Variants in RGS6 observed in about 807,000 individuals in gnomAD.
RGS6 encodes regulator of G protein signaling 6.
A neutral mutation model predicts 78.5 loss-of-function variants in RGS6; 30 were observed. The ratio of observed to expected loss-of-function variants is 0.38; its 90% CI spans 0.29 to 0.52. The LOEUF (loss-of-function observed/expected upper bound fraction) is 0.52. Among genes scored for constraint, RGS6 ranks in the 20% least tolerant of loss-of-function variants. The probability of loss-of-function intolerance (pLI) is 0.85; values close to 1 mark genes in which losing one functional copy is unlikely to be tolerated. For missense variants in RGS6, 495 were observed against 609.7 expected, an observed-to-expected ratio of 0.81 and a Z score of 1.98; for synonymous variants, 206 against 206.0, an observed-to-expected ratio of 1.00 and a Z score of 0.00.
intron 3 of RGS6, among the ~76,000 whole-genome samples, chr14:72,451,806 G>A (rs186321520): frequency 6.6e-6 from 1 of 152,236 alleles, no homozygotes; most frequent in African/African-American, 2.4e-5. Flanking sequence ...AGGCTGGAGT[G>A]TAGTGGCGCG....
chr14:72,522,364 CAA>C (rs1401361670), intron 15 of RGS6, among the ~76,000 whole-genome samples: 2 of 152,204 alleles, frequency 1.3e-5, no homozygotes, highest in African/African-American at 4.8e-5. Flanking sequence ...AGGGCTTCAA[CAA>C]TATGAAATTT....
the RGS6 span, among the ~76,000 whole-genome samples, chr14:71,918,630 G>A: frequency 6.6e-6 from 1 of 152,146 alleles, no homozygotes; most frequent in African/African-American, 2.4e-5. Context: ...TGATACAGTA[G>A]TTTAACAAAG....
intron 12 of RGS6, among the ~76,000 whole-genome samples, chr14:72,481,896 C>T (rs994038067): frequency 2.0e-5 from 3 of 150,972 alleles, no homozygotes; most frequent in African/African-American, 7.3e-5. Context: ...GCAAGCTCCG[C>T]CTCCCGGGTT....
intron 3 of RGS6, among the ~76,000 whole-genome samples, chr14:72,363,189 A>G (rs2081819939): frequency 6.6e-6 from 1 of 152,172 alleles, no homozygotes; most frequent in Admixed American, 6.6e-5. Flanking sequence ...TAACCCATCT[A>G]CCCTGCTCAG....
rs368507020 is a variant in RGS6 at position 72,016,029 on chromosome 14, T to C, written c.84+51154T>C. ...ATGTTTTGACTTTTTATGATGTCTC[T>C]AATTAAACAGCCGTGCTAAATTTTA... On this transcript the variant is annotated intron_variant, in intron 2 of 17. Coordinates refer to ENST00000553525, the MANE Select transcript of RGS6 (RefSeq NM_001204424.2). 9.2e-5 allele frequency among the ~76,000 whole-genome samples: 14 copies of C among 152,360 alleles called. No homozygotes were observed. The East Asian group carries it at 2.5e-3, about 27-fold the overall frequency.
chr14:72,518,669 G>A, intron 15 of RGS6, 132 bp downstream of exon 15: 2 of 837,748 alleles, frequency 2.4e-6, no homozygotes, highest in African/African-American at 3.4e-5. Flanking sequence ...GTTCATCAGT[G>A]GAAACCATTT....
chr14:71,971,159 T>A (rs1329448833), intron 2 of RGS6, among the ~76,000 whole-genome samples: 5 of 152,192 alleles, frequency 3.3e-5, no homozygotes. Flanking sequence ...AAAAGTATCT[T>A]CCCTTTGGGC....
chr14:71,986,163 G>C (rs1274136069), intron 2 of RGS6, among the ~76,000 whole-genome samples: 2 of 151,972 alleles, frequency 1.3e-5, no homozygotes, highest in Non-Finnish European at 2.9e-5. Flanking sequence ...CAGTGTTCTC[G>C]AACTGCCCAC....
chr14:72,309,169 G>A (rs2067961816), intron 2 of RGS6, among the ~76,000 whole-genome samples: 1 of 152,182 alleles, frequency 6.6e-6, no homozygotes, highest in Non-Finnish European at 1.5e-5. Flanking sequence ...AGCTGTTCTA[G>A]GGAAGCCTGT....
intron 2 of RGS6, among the ~76,000 whole-genome samples, chr14:72,348,000 A>G (rs1206194802): frequency 6.6e-6 from 1 of 152,190 alleles, no homozygotes; most frequent in Admixed American, 6.5e-5. Flanking sequence ...TAACTCCAGG[A>G]TCTGCTGGAA....
chr14:72,137,118 G>A (rs1041489727), intron 2 of RGS6, among the ~76,000 whole-genome samples: 6 of 152,140 alleles, frequency 3.9e-5, no homozygotes, highest in African/African-American at 1.4e-4. Flanking sequence ...GAAATGTAGA[G>A]GATCCCCAAA....
the RGS6 span, among the ~76,000 whole-genome samples, chr14:72,610,567 C>T: frequency 6.6e-6 from 1 of 152,240 alleles, no homozygotes; most frequent in East Asian, 1.9e-4. Flanking sequence ...TGCCCTCACC[C>T]TGAACCCACT....
At chr14:72,515,800 C>A (rs1042616774) in intron 14 of RGS6, 2 of 152,278 alleles carry the variant, frequency 1.3e-5, no homozygotes, top group Non-Finnish European at 2.9e-5. Flanking sequence ...CCGCAGGGAG[C>A]CTGCAGAGCT....
chr14:72,386,916 G>A (rs1447729388), intron 3 of RGS6, among the ~76,000 whole-genome samples: 1 of 152,148 alleles, frequency 6.6e-6, no homozygotes, highest in Non-Finnish European at 1.5e-5. Context: ...GGGGGTAGCA[G>A]TGGGTAGGAA....
At chr14:72,394,412 T>G (rs2152960484) in intron 3 of RGS6, among the ~76,000 whole-genome samples, 1 of 152,222 alleles carries the variant, frequency 6.6e-6, no homozygotes, top group South Asian at 2.1e-4. Flanking sequence ...AAATTAAAAT[T>G]GCTAATGAAG....
chr14:72,105,326 C>T (rs1461458335), intron 2 of RGS6, among the ~76,000 whole-genome samples: 1 of 152,172 alleles, frequency 6.6e-6, no homozygotes, highest in Non-Finnish European at 1.5e-5. Context: ...TCACATTTTG[C>T]CTGGTCTTAC....
intron 2 of RGS6, among the ~76,000 whole-genome samples, chr14:72,109,632 T>G (rs569696737): frequency 6.6e-6 from 1 of 152,318 alleles, no homozygotes; most frequent in African/African-American, 2.4e-5. Flanking sequence ...AATACAGAAA[T>G]AAACATGGTC....
intron 2 of RGS6, among the ~76,000 whole-genome samples, chr14:72,298,327 G>A (rs562021246): frequency 7.4e-4 from 112 of 151,280 alleles, no homozygotes; most frequent in South Asian, 1.3e-3. Flanking sequence ...TCACTTGGCC[G>A]TGATATATTA....
At chr14:72,001,121 C>A (rs1424595757) in intron 2 of RGS6, among the ~76,000 whole-genome samples, 1 of 152,178 alleles carries the variant, frequency 6.6e-6, no homozygotes, top group Admixed American at 6.5e-5. Flanking sequence ...TCCTGGCAAC[C>A]TGGGAGGTCA....
Sources: allele counts gnomAD v4.1 joint callset (sites outside exome capture counted in the v4.1 genomes callset), GRCh38; gene constraint gnomAD v4.1.1; transcripts MANE v1.5; gene names NCBI Gene and HGNC (gene_info 2026-07-23, HGNC 2026-07-21).